The following MGAM2 variants were observed in gnomAD, a reference collection of about 807,000 sequenced individuals.
MGAM2 encodes the protein maltase-glucoamylase 2 (putative), also known as probable maltase-glucoamylase 2.
Under a neutral mutation model 96.1 loss-of-function variants are expected in MGAM2, and 98 were observed. The ratio of observed to expected loss-of-function variants is 1.02; its 90% CI spans 0.87 to 1.21. MGAM2 has a LOEUF of 1.21. MGAM2 is among the 50% of genes most tolerant of loss of function. The probability of loss-of-function intolerance (pLI) is 0.00; values close to 1 mark genes in which losing one functional copy is unlikely to be tolerated. For synonymous variants in MGAM2, 749 were observed against 414.8 expected (o/e 1.81, Z -9.79); for missense variants, 2,055 against 1,182.4 (o/e 1.74, Z -10.82).
intron 31 of MGAM2, among the ~76,000 whole-genome samples, chr7:142,175,153 A>G (rs1796333658): frequency 6.6e-6 from 1 of 152,138 alleles, no homozygotes; most frequent in African/African-American, 2.4e-5. Context: ...CTCATTCAGT[A>G]TGATATTGGC....
chr7:142,131,187 C>T (rs1794876690), intron 4 of MGAM2, 116 bp downstream of exon 4: 1 of 631,092 alleles, frequency 1.6e-6, no homozygotes, highest in South Asian at 1.8e-5. Flanking sequence ...CGTCTGTAAT[C>T]CCAGCACTTC....
intron 1 of MGAM2, among the ~76,000 whole-genome samples, chr7:142,114,153 G>GGAAAGAAAGAAAGAAGGAAAGAAA (rs1817277379): frequency 1.1e-5 from 1 of 87,008 alleles, no homozygotes; most frequent in East Asian, 3.2e-4. Flanking sequence ...AAAGAAAGAA[G>GGAAAGAAAGAAAGAAGGAAAGAAA]GAAAGAAAGA....
chr7:142,168,602 T>G (rs1796099415), intron 26 of MGAM2, among the ~76,000 whole-genome samples: 2 of 151,884 alleles, frequency 1.3e-5, no homozygotes, highest in Non-Finnish European at 2.9e-5. Context: ...AGCTCCCAGG[T>G]AAGGCTGATG....
intron 46 of MGAM2, among the ~76,000 whole-genome samples, chr7:142,215,290 A>G (rs761164998): frequency 7.2e-5 from 11 of 152,012 alleles, no homozygotes; most frequent in Non-Finnish European, 1.5e-4. Flanking sequence ...TTCACACACC[A>G]GGGCCTGTTG....
In MGAM2 at chr7:142,114,207, A is replaced by G. The variant is rs1193271145; in HGVS notation, c.-1+2400A>G. 7.4e-5 allele frequency among the ~76,000 whole-genome samples: 7 copies of G among 95,170 alleles called. 2 individuals carry two copies. The highest frequency in any genetic ancestry group is 5.9e-5 in the Non-Finnish European group (3 of 50,476). 62.4% of individuals were successfully genotyped at this position (95,170 alleles called of 152,430 possible). A position where few individuals can be genotyped will look rare whatever the true frequency, so the allele number is the denominator to read the frequency against. On this transcript the variant is annotated intron_variant, in intron 1 of 47. Transcript: ENST00000477922. ...GAAAGAAAGAAAGAAAGAAAGAAAG[A>G]AAGAAAGAGAGAAAGAAAGAAAGAA...
chr7:142,118,797 C>CA (rs34665032), intron 2 of MGAM2, among the ~76,000 whole-genome samples: 15,985 of 151,972 alleles, frequency 0.11, 1,077 homozygotes, highest in Admixed American at 0.22. Context: ...GTAACAACAA[C>CA]AAAAAAATGT....
At chr7:142,132,153 T>G (rs1265918940) in intron 6 of MGAM2, 68 bp downstream of exon 6, 2 of 616,314 alleles carry the variant, frequency 3.2e-6, no homozygotes, top group Non-Finnish European at 5.8e-6. Flanking sequence ...TCTGATTTAC[T>G]GGGGGTGGGC....
intron 17 of MGAM2, among the ~76,000 whole-genome samples, chr7:142,155,893 C>G (rs1368695845): frequency 1.3e-5 from 2 of 152,216 alleles, no homozygotes; most frequent in Admixed American, 1.3e-4. Context: ...CACCTGTAAT[C>G]CCAGCACTTT....
intron 26 of MGAM2, among the ~76,000 whole-genome samples, chr7:142,168,413 G>A (rs986803321): frequency 2.0e-5 from 3 of 152,090 alleles, no homozygotes; most frequent in African/African-American, 7.2e-5. Flanking sequence ...GGGATTACAG[G>A]CACCCGCCTC....
chr7:142,167,510 G>A, intron 26 of MGAM2, 24 bp downstream of exon 26: 2 of 702,792 alleles, frequency 2.8e-6, no homozygotes, highest in East Asian at 2.7e-5. Flanking sequence ...TGCAGATTCT[G>A]GTTCTCAAGA....
chr7:142,114,959 T>C (rs1471492853), intron 1 of MGAM2, among the ~76,000 whole-genome samples: 2 of 152,174 alleles, frequency 1.3e-5, no homozygotes, highest in Non-Finnish European at 2.9e-5. Flanking sequence ...GCTCATGCTG[T>C]AATCCCAGCA....
intron 13 of MGAM2, 132 bp from the exon 14 acceptor site, chr7:142,144,729 G>C: frequency 1.9e-6 from 1 of 522,512 alleles, no homozygotes; most frequent in East Asian, 3.2e-5. Flanking sequence ...AAAAATTAGG[G>C]AGATTATTTA....
chr7:142,210,391 CT>C lies in MGAM2; in HGVS notation c.5187+1770del, dbSNP rs1266411843. On this transcript the variant is annotated intron_variant, in intron 46 of 47. Transcript: ENST00000477922. ...AAAGCCAGGGAGCCGAGTGCCCTTG[CT>C]CAGCGGATCCCAACCCCACAGAGCC... is the stretch of plus-strand genomic sequence containing the variant. 1.1e-3 allele frequency among the ~76,000 whole-genome samples: 163 copies of C among 152,216 alleles called. 1 individual carries two copies. Among genetic ancestry groups the C allele is most frequent in the Middle Eastern group, 0.01 (3 of 294 alleles).
At chr7:142,178,618 C>A (rs1796446876) in intron 32 of MGAM2, among the ~76,000 whole-genome samples, 1 of 152,028 alleles carries the variant, frequency 6.6e-6, no homozygotes. Flanking sequence ...GAATTCTTTC[C>A]TTCTTGCTCA....
At chr7:142,190,466 G>C (rs1796836872) in intron 37 of MGAM2, among the ~76,000 whole-genome samples, 1 of 151,692 alleles carries the variant, frequency 6.6e-6, no homozygotes, top group African/African-American at 2.4e-5. Context: ...GTAGAGACGG[G>C]TTTCGCCATG....
chr7:142,181,222 T>C (rs1483746522), intron 32 of MGAM2, among the ~76,000 whole-genome samples: 1 of 152,224 alleles, frequency 6.6e-6, no homozygotes, highest in Non-Finnish European at 1.5e-5. Context: ...TTTGTTTTTA[T>C]AGTCTTTATT....
At chr7:142,194,917 G>T (rs1338592231) in intron 37 of MGAM2, among the ~76,000 whole-genome samples, 2 of 152,062 alleles carry the variant, frequency 1.3e-5, no homozygotes, top group Admixed American at 1.3e-4. Context: ...TCTATTAGTA[G>T]ACTTTCTCTT....
chr7:142,122,438 T>C (rs1391087673), intron 3 of MGAM2, among the ~76,000 whole-genome samples: 10 of 152,244 alleles, frequency 6.6e-5, no homozygotes, highest in Admixed American at 5.9e-4. Flanking sequence ...ACTACACATG[T>C]GTAAGCCAAA....
chr7:142,148,266 C>A lies in MGAM2; in HGVS notation c.1634+693C>A, dbSNP rs977366173. ...CACCACAGTTATCACCACCATCCCCCCCACCACCACAATCACTATCACCAT... is the reference window on the plus strand; with the variant it reads ...CACCACAGTTATCACCACCATCCCCACCACCACCACAATCACTATCACCAT... On this transcript the variant is annotated intron_variant, in intron 15 of 47. Transcript: ENST00000477922. The surrounding 1 kb of genome is among the most constrained non-coding windows in gnomAD (Gnocchi z 4.2). 6.6e-6 allele frequency among the ~76,000 whole-genome samples: 1 copy of A among 151,098 alleles called. No individual in the cohort carries two copies. The highest frequency in any genetic ancestry group is 1.5e-5 in the Non-Finnish European group (1 of 67,726).
Sources: allele counts gnomAD v4.1 joint callset (sites outside exome capture counted in the v4.1 genomes callset), GRCh38; gene constraint gnomAD v4.1.1; non-coding constraint Gnocchi (gnomAD v3.1); transcripts MANE v1.5; gene names NCBI Gene and HGNC (gene_info 2026-07-23, HGNC 2026-07-21).